The following KIF26B variants were observed in gnomAD, a reference collection of about 807,000 sequenced individuals.
KIF26B encodes kinesin-like protein KIF26B.
In KIF26B, 63 loss-of-function variants were observed where a neutral mutation model predicts 151.2. That is an observed-to-expected ratio of 0.42 (90% confidence interval 0.34 to 0.51). The LOEUF (loss-of-function observed/expected upper bound fraction) is 0.51, where lower values mean the gene tolerates loss of function less well. KIF26B is among the 20% of genes least tolerant of loss of function. The pLI is 0.07. For missense variants in KIF26B, 2,813 were observed against 2,913.6 expected, an observed-to-expected ratio of 0.97 and a Z score of 0.79; for synonymous variants, 1,357 against 1,262.1, an observed-to-expected ratio of 1.08 and a Z score of -1.59.
In KIF26B at chr1:245,698,771, C is replaced by A; in HGVS notation, c.6028-116C>A. ...GAATTTGGTGGGGATGACCCATGTCCCTCCCACACGTCTCCAAGCCCAGCC... is the reference window on the plus strand; with the variant it reads ...GAATTTGGTGGGGATGACCCATGTCACTCCCACACGTCTCCAAGCCCAGCC... On this transcript the variant is annotated intron_variant, in intron 13 of 14. Transcript: ENST00000407071. This position sits in a 1 kb window ranked among gnomAD's most constrained non-coding sequence, Gnocchi z 4.0. 2.3e-6 allele frequency: 3 copies of A among 1,281,050 alleles called. No individual in the cohort carries two copies. The highest frequency in any genetic ancestry group is 3.2e-6 in the Non-Finnish European group (3 of 930,548). 79.4% of individuals were successfully genotyped at this position (1,281,050 alleles called of 1,614,324 possible). A position where few individuals can be genotyped will look rare whatever the true frequency, so the allele number is the denominator to read the frequency against.
In KIF26B at chr1:245,341,353, C is replaced by A. The variant is rs922836377; in HGVS notation, c.466-25481C>A. 1.6e-3 allele frequency among the ~76,000 whole-genome samples: 152 copies of A among 97,016 alleles called. 1 individual carries two copies. Among genetic ancestry groups the A allele is most frequent in the African/African-American group, 4.4e-3 (144 of 32,696 alleles). 63.6% of individuals were successfully genotyped at this position (97,016 alleles called of 152,430 possible). Reference sequence around the variant, plus strand: ...TTTTTTTTTTTGAGACACTGTCTTGCTTTGTCACCCAGGCTAGCCTGCAGT... The same window carrying A: ...TTTTTTTTTTTGAGACACTGTCTTGATTTGTCACCCAGGCTAGCCTGCAGT... On this transcript the variant is annotated intron_variant, in intron 2 of 14. Coordinates refer to ENST00000407071, the MANE Select transcript of KIF26B (RefSeq NM_018012.4).
chr1:245,252,066 C>T (rs948964553), intron 2 of KIF26B, among the ~76,000 whole-genome samples: 15 of 151,650 alleles, frequency 9.9e-5, no homozygotes, highest in Non-Finnish European at 2.1e-4. Context: ...AGTTTGAGAC[C>T]AGTCTGGGCA....
At chr1:245,583,290 T>C (rs2043194450) in intron 5 of KIF26B, among the ~76,000 whole-genome samples, 1 of 152,160 alleles carries the variant, frequency 6.6e-6, no homozygotes, top group Admixed American at 6.5e-5. Context: ...ACGTGAGCGA[T>C]GCTGGGCTTG....
intron 3 of KIF26B, among the ~76,000 whole-genome samples, chr1:245,376,674 CTTTATTT>C (rs1469394370): frequency 3.9e-5 from 6 of 152,024 alleles, no homozygotes; most frequent in South Asian, 2.1e-4. Context: ...AACTATGTGG[CTTTATTT>C]TTTATTTTTT....
At chr1:245,585,460 C>T (rs1455938160) in intron 5 of KIF26B, among the ~76,000 whole-genome samples, 2 of 151,836 alleles carry the variant, frequency 1.3e-5, no homozygotes. Flanking sequence ...AAATGTCTGT[C>T]TAGTCGGTGA....
intron 4 of KIF26B, among the ~76,000 whole-genome samples, chr1:245,453,249 G>C (rs992801214): frequency 2.4e-4 from 36 of 151,858 alleles, no homozygotes; most frequent in African/African-American, 8.2e-4. Flanking sequence ...AATTACCTTG[G>C]ACTAAGAGTG....
chr1:245,355,649 C>T (rs1173846), intron 2 of KIF26B, among the ~76,000 whole-genome samples: 1,607 of 151,796 alleles, frequency 0.011, 16 homozygotes, highest in Non-Finnish European at 0.016. Context: ...AACTTACCAG[C>T]GGTCAAGAAC....
At chr1:245,465,533 G>A (rs945440942) in intron 4 of KIF26B, among the ~76,000 whole-genome samples, 1 of 152,148 alleles carries the variant, frequency 6.6e-6, no homozygotes, top group East Asian at 1.9e-4. Flanking sequence ...GTATCTTTCC[G>A]GTTTTTGCTT....
intron 2 of KIF26B, among the ~76,000 whole-genome samples, chr1:245,269,242 C>CCTAA (rs1203011918): frequency 7.4e-6 from 1 of 134,878 alleles, no homozygotes; most frequent in Non-Finnish European, 1.6e-5. Flanking sequence ...CCTCCTCCCA[C>CCTAA]CGAACGGCCC....
chr1:245,261,885 A>G (rs1157937509), intron 2 of KIF26B, among the ~76,000 whole-genome samples: 2 of 152,062 alleles, frequency 1.3e-5, no homozygotes, highest in Non-Finnish European at 2.9e-5. Context: ...GCCCGGCTCA[A>G]CCCTTGTATT....
At chr1:245,515,452 T>C (rs1430681802) in intron 4 of KIF26B, among the ~76,000 whole-genome samples, 1 of 151,554 alleles carries the variant, frequency 6.6e-6, no homozygotes, top group Non-Finnish European at 1.5e-5. Context: ...GATACGTAAA[T>C]GACAGAAGGA....
chr1:245,244,037 C>G lies in KIF26B; in HGVS notation c.465+87354C>G, dbSNP rs1238776355. ...TCACTGCAGTCTCCAGCTCCTCACT[C>G]AAGCAATCCTCTTGCCTCGGCCTCT... is the stretch of plus-strand genomic sequence containing the variant. On this transcript the variant is annotated intron_variant, in intron 2 of 14. Coordinates refer to ENST00000407071, the MANE Select transcript of KIF26B (RefSeq NM_018012.4). This position sits in a 1 kb window ranked among gnomAD's most constrained non-coding sequence, Gnocchi z 4.2. Among the ~76,000 whole-genome samples, 1 of 152,188 alleles carries G rather than the reference C, an allele frequency of 6.6e-6. No individual in the cohort carries two copies. Among genetic ancestry groups the G allele is most frequent in the African/African-American group, 2.4e-5 (1 of 41,438 alleles).
chr1:245,261,472 TC>T, intron 2 of KIF26B, among the ~76,000 whole-genome samples: 1 of 7,934 alleles, frequency 1.3e-4, no homozygotes, highest in Non-Finnish European at 3.7e-4. Context: ...TTTCTTTCTC[TC>T]TCTCTCTCTC....
At chr1:245,443,448 A>C (rs1337845877) in intron 4 of KIF26B, among the ~76,000 whole-genome samples, 2 of 96,634 alleles carry the variant, frequency 2.1e-5, no homozygotes, top group Admixed American at 2.3e-4. Flanking sequence ...CATCTCCCTC[A>C]CTGTTCACCT....
chr1:245,398,618 T>G (rs145174479), intron 3 of KIF26B, among the ~76,000 whole-genome samples: 21 of 152,190 alleles, frequency 1.4e-4, no homozygotes, highest in Non-Finnish European at 2.5e-4. Context: ...TTACCAGATG[T>G]GAGCCCAGTC....
At chr1:245,276,927 T>A (rs1356945674) in intron 2 of KIF26B, among the ~76,000 whole-genome samples, 3 of 151,988 alleles carry the variant, frequency 2.0e-5, no homozygotes, top group African/African-American at 7.2e-5. Context: ...TGAGATGAGA[T>A]CTTCTTAGAT....
At position 245,512,763 on chromosome 1, in the gene KIF26B, C is replaced by A. The variant is rs1037804734; in HGVS notation, c.1167-28004C>A. Among the ~76,000 whole-genome samples the A allele has an allele frequency of 6.6e-6, 1 of 152,174 alleles. No individual in the cohort carries two copies. Among genetic ancestry groups the A allele is most frequent in the African/African-American group, 2.4e-5 (1 of 41,438 alleles). On this transcript the variant is annotated intron_variant, in intron 4 of 14. Transcript: ENST00000407071. This position sits in a 1 kb window ranked among gnomAD's most constrained non-coding sequence, Gnocchi z 4.3. ...AAGTGGTTGTATCACAAGGGGAAAGCTTTCGATCTTGTGCCGTTTTGTTTT... is the reference window on the plus strand; with the variant it reads ...AAGTGGTTGTATCACAAGGGGAAAGATTTCGATCTTGTGCCGTTTTGTTTT...
Position 245,687,678 on chromosome 1 carries a change from T to C in KIF26B, c.4695T>C (p.Gly1565=). 1 of 1,578,836 alleles carries C rather than the reference T, an allele frequency of 6.3e-7. No homozygotes were observed. Among genetic ancestry groups the C allele is most frequent in the South Asian group, 1.2e-5 (1 of 85,782 alleles). The part of the protein sequence containing the change: ...YYCAAETNGV[G]AASGTPPSKA... ...GCGCTGCTGAGACCAACGGGGTGGG[T>C]GCAGCCTCGGGCACCCCGCCCTCCA... The change falls in exon 12 of 15, where the codon GGT becomes GGC. Residue 1565 remains glycine, a synonymous_variant. Transcript: ENST00000407071. This position sits in a 1 kb window ranked among gnomAD's most constrained non-coding sequence, Gnocchi z 4.9.
intron 2 of KIF26B, among the ~76,000 whole-genome samples, chr1:245,160,846 G>A (rs898181805): frequency 6.6e-6 from 1 of 152,058 alleles, no homozygotes; most frequent in African/African-American, 2.4e-5. Context: ...CTAAATAGCC[G>A]GAGACCAAGT....
Sources: gnomAD v4.1 joint callset for allele counts (sites outside exome capture counted in the v4.1 genomes callset) on GRCh38, gnomAD v4.1.1 for gene constraint, Gnocchi (gnomAD v3.1) non-coding constraint, MANE v1.5 for transcripts, NCBI Gene and HGNC (gene_info 2026-07-23, HGNC 2026-07-21) for gene names.